STK24: variants seen among roughly 807,000 people sequenced by gnomAD.
The protein encoded by STK24 is serine/threonine kinase 24.
A neutral mutation model predicts 55.6 loss-of-function variants in STK24; 21 were observed. The observed-to-expected ratio is 0.38, with a 90% confidence interval of 0.27 to 0.54. The LOEUF (loss-of-function observed/expected upper bound fraction) is 0.54, where lower values mean the gene tolerates loss of function less well. Among genes scored for constraint, STK24 ranks in the 20% least tolerant of loss-of-function variants. STK24 has a pLI of 0.79. For synonymous variants in STK24, 200 were observed against 215.2 expected, an observed-to-expected ratio of 0.93 and a Z score of 0.62; for missense variants, 383 against 538.4, an observed-to-expected ratio of 0.71 and a Z score of 2.86.
chr13:98,461,965 AG>A, intron 7 of STK24, 68 bp from the exon 8 acceptor site: 1 of 1,590,826 alleles, frequency 6.3e-7, no homozygotes, highest in Non-Finnish European at 8.6e-7. Flanking sequence ...TGGGACGTTC[AG>A]GGGGAGGCCG....
At position 98,478,939 on chromosome 13, in the gene STK24, G is replaced by C. The variant is rs535644604; in HGVS notation, c.330+3326C>G. Among the ~76,000 whole-genome samples, 190 of 152,262 alleles carry C rather than the reference G, an allele frequency of 1.2e-3. 3 individuals are homozygous for C. In the South Asian group the frequency reaches 0.016, roughly 13 times the overall value. ...TAAGGAAGGAACCTTCTAACAAACG[G>C]TGTAATTGACAGACCTCCCCACCAG... On this transcript the variant is annotated intron_variant, in intron 3 of 10. Coordinates refer to ENST00000539966, the MANE Select transcript of STK24 (RefSeq NM_001032296.4).
chr13:98,575,257 T>C (rs897343955), intron 1 of STK24, among the ~76,000 whole-genome samples: 1 of 152,166 alleles, frequency 6.6e-6, no homozygotes, highest in South Asian at 2.1e-4. Flanking sequence ...CATGCTAAAT[T>C]CAACGCTCCT....
At chr13:98,558,460 AG>A (rs947568930) in intron 1 of STK24, among the ~76,000 whole-genome samples, 4 of 152,126 alleles carry the variant, frequency 2.6e-5, no homozygotes, top group Non-Finnish European at 5.9e-5. Context: ...ACAATGGAGA[AG>A]GGGGTACTGC....
chr13:98,560,768 C>T (rs567456518), intron 1 of STK24, among the ~76,000 whole-genome samples: 1 of 151,974 alleles, frequency 6.6e-6, no homozygotes, highest in Non-Finnish European at 1.5e-5. Flanking sequence ...GTAGTCCCAG[C>T]CACTCAGGAG....
chr13:98,516,245 C>A (rs1388531230), intron 2 of STK24, among the ~76,000 whole-genome samples: 1 of 152,226 alleles, frequency 6.6e-6, no homozygotes, highest in Non-Finnish European at 1.5e-5. Context: ...TTGTCCTTCA[C>A]ATGGCTTTAA....
intron 3 of STK24, among the ~76,000 whole-genome samples, chr13:98,477,925 G>T (rs111838849): frequency 0.016 from 2,402 of 152,262 alleles, 85 homozygotes; most frequent in African/African-American, 0.054. Context: ...GCTCTGTGAT[G>T]ACTGTCTGCA....
At chr13:98,535,613 G>A (rs1463012954) in intron 1 of STK24, among the ~76,000 whole-genome samples, 1 of 152,130 alleles carries the variant, frequency 6.6e-6, no homozygotes, top group Non-Finnish European at 1.5e-5. Context: ...CTTGTGCTGG[G>A]CAGCGTTCAC....
intron 2 of STK24, among the ~76,000 whole-genome samples, chr13:98,503,149 AAG>A (rs1895553315): frequency 1.3e-5 from 2 of 149,150 alleles, no homozygotes; most frequent in South Asian, 2.1e-4. Context: ...CCAATTTACC[AAG>A]AGAGTGTTTT....
At chr13:98,495,589 G>A (rs1433157958) in intron 2 of STK24, among the ~76,000 whole-genome samples, 1 of 152,138 alleles carries the variant, frequency 6.6e-6, no homozygotes, top group East Asian at 1.9e-4. Context: ...TCAACTTTCT[G>A]GACAGAGAAA....
chr13:98,519,811 CTT>C (rs1356155312), intron 1 of STK24, among the ~76,000 whole-genome samples: 8 of 152,194 alleles, frequency 5.3e-5, no homozygotes, highest in Non-Finnish European at 1.0e-4. Context: ...GATACACAGA[CTT>C]ATCGAAAAAT....
At chr13:98,529,193 T>A (rs918346514) in intron 1 of STK24, among the ~76,000 whole-genome samples, 1 of 151,858 alleles carries the variant, frequency 6.6e-6, no homozygotes, top group Non-Finnish European at 1.5e-5. Flanking sequence ...CCACCACGTG[T>A]TTCATCGTTA....
At chr13:98,468,175 C>A (rs1893991915) in intron 5 of STK24, among the ~76,000 whole-genome samples, 2 of 152,216 alleles carry the variant, frequency 1.3e-5, no homozygotes, top group Non-Finnish European at 2.9e-5. Flanking sequence ...CCAAGCCCAG[C>A]AGTCCATGGG....
chr13:98,479,088 C>T (rs555927805), intron 3 of STK24, among the ~76,000 whole-genome samples: 7 of 152,132 alleles, frequency 4.6e-5, no homozygotes, highest in East Asian at 1.9e-4. Context: ...TTTCCCTCCC[C>T]GGGCTACAAA....
chr13:98,539,067 A>G (rs995775282), intron 1 of STK24, among the ~76,000 whole-genome samples: 2 of 152,212 alleles, frequency 1.3e-5, no homozygotes, highest in Non-Finnish European at 2.9e-5. Flanking sequence ...TGTACACAGC[A>G]GAGCACCCGC....
chr13:98,571,799 T>G (rs79308468), intron 1 of STK24, among the ~76,000 whole-genome samples: 1 of 152,142 alleles, frequency 6.6e-6, no homozygotes, highest in Admixed American at 6.5e-5. Flanking sequence ...GCCACGAAGC[T>G]GAGTGAATGC....
intron 1 of STK24, among the ~76,000 whole-genome samples, chr13:98,566,341 G>A (rs998650453): frequency 6.6e-6 from 1 of 152,250 alleles, no homozygotes; most frequent in African/African-American, 2.4e-5. Flanking sequence ...GTGACGGTCA[G>A]GAGGGCAGAG....
chr13:98,472,248 G>A (rs368398197), intron 5 of STK24, among the ~76,000 whole-genome samples: 11 of 152,268 alleles, frequency 7.2e-5, no homozygotes, highest in Non-Finnish European at 8.8e-5. Flanking sequence ...GACCCTCATC[G>A]GCCCTCACCA....
chr13:98,460,483 T>C (rs1489264717), intron 8 of STK24, 43 bp from the exon 9 acceptor site: 1 of 1,553,992 alleles, frequency 6.4e-7, no homozygotes, highest in East Asian at 2.2e-5. Context: ...ACAGTTGACG[T>C]TCACATTGGC....
At chr13:98,482,050 G>C (rs1292012450) in intron 3 of STK24, among the ~76,000 whole-genome samples, 1 of 150,166 alleles carries the variant, frequency 6.7e-6, no homozygotes, top group Non-Finnish European at 1.5e-5. Context: ...CTGGGTAACA[G>C]GGCAAGACTC....
Sources: allele counts gnomAD v4.1 joint callset (sites outside exome capture counted in the v4.1 genomes callset), GRCh38; gene constraint gnomAD v4.1.1; transcripts MANE v1.5; gene names NCBI Gene and HGNC (gene_info 2026-07-23, HGNC 2026-07-21).